Variants in NSMCE1 observed in about 807,000 individuals in gnomAD.
NSMCE1 encodes non-structural maintenance of chromosomes element 1 homolog.
A neutral mutation model predicts 29.6 loss-of-function variants in NSMCE1; 18 were observed. The ratio of observed to expected loss-of-function variants is 0.61; its 90% CI spans 0.42 to 0.90. The LOEUF (loss-of-function observed/expected upper bound fraction) is 0.90. Among genes scored for constraint, NSMCE1 ranks in the 40% least tolerant of loss-of-function variants. NSMCE1 has a pLI of 0.00. For synonymous variants in NSMCE1, 124 were observed against 133.4 expected, an observed-to-expected ratio of 0.93 and a Z score of 0.49; for missense variants, 314 against 343.6, an observed-to-expected ratio of 0.91 and a Z score of 0.68.
intron 2 of NSMCE1, 154 bp downstream of exon 2, chr16:27,257,280 GA>G (rs1555478090): frequency 1.8e-6 from 1 of 551,088 alleles, no homozygotes; most frequent in Non-Finnish European, 3.0e-6. Context: ...AGTGGAAGAT[GA>G]AATTAGAAAG....
chr16:27,250,724 C>T lies in NSMCE1; in HGVS notation c.136+6711G>A, dbSNP rs563122216. ...AGGAGAACTGCTTAAACCCAGGAGG[C>T]GGAGGTTGTAGCGAGCTGAGATGGC... On this transcript the variant is annotated intron_variant, in intron 2 of 7. Transcript: ENST00000361439. Among the ~76,000 whole-genome samples, 8 of 151,378 alleles carry T rather than the reference C, an allele frequency of 5.3e-5. No homozygotes were observed. The East Asian group carries it at 1.6e-3, about 30-fold the overall frequency.
At chr16:27,259,658 G>A (rs1342495997) in intron 1 of NSMCE1, among the ~76,000 whole-genome samples, 1 of 152,144 alleles carries the variant, frequency 6.6e-6, no homozygotes, top group Non-Finnish European at 1.5e-5. Context: ...CCGAGGCTTG[G>A]CAGTGGGGAC....
intron 5 of NSMCE1, among the ~76,000 whole-genome samples, chr16:27,227,494 G>A (rs886666475): frequency 6.6e-6 from 1 of 152,198 alleles, no homozygotes; most frequent in African/African-American, 2.4e-5. Flanking sequence ...GGAGAGCCCG[G>A]AAGCACAAGA....
At chr16:27,245,474 A>G (rs919836338) in intron 2 of NSMCE1, among the ~76,000 whole-genome samples, 2 of 152,226 alleles carry the variant, frequency 1.3e-5, no homozygotes, top group African/African-American at 4.8e-5. Context: ...ATCCTGGCTC[A>G]GCAACTCCAT....
At position 27,264,657 on chromosome 16, in the gene NSMCE1, G is replaced by A. The variant is rs549124879; in HGVS notation, c.-12+4049C>T. On this transcript the variant is annotated intron_variant, in intron 1 of 7. Transcript: ENST00000361439. ...TTCTGAAGGGATAAGGTCATAATAA[G>A]GAAAAATACTGTAAGACTTTTAGGC... 2.0e-5 allele frequency among the ~76,000 whole-genome samples: 3 copies of A among 152,186 alleles called. No individual in the cohort carries two copies. The South Asian group carries it at 6.2e-4, about 32-fold the overall frequency.
At chr16:27,252,650 G>A (rs4267310) in intron 2 of NSMCE1, among the ~76,000 whole-genome samples, 9,538 of 152,246 alleles carry the variant, frequency 0.063, 737 homozygotes, top group African/African-American at 0.19. Context: ...CGGGCGCGGT[G>A]GCTCATGCCT....
At chr16:27,246,901 G>A (rs764310768) in intron 2 of NSMCE1, among the ~76,000 whole-genome samples, 11 of 152,170 alleles carry the variant, frequency 7.2e-5, no homozygotes, top group East Asian at 3.9e-4. Context: ...CATCAACACC[G>A]TAGCCGACCT....
chr16:27,253,467 T>C (rs2084055086), intron 2 of NSMCE1, among the ~76,000 whole-genome samples: 1 of 152,244 alleles, frequency 6.6e-6, no homozygotes, highest in Non-Finnish European at 1.5e-5. Context: ...GAAAGATCAC[T>C]GGCCTTGACT....
intron 1 of NSMCE1, among the ~76,000 whole-genome samples, chr16:27,266,773 A>G (rs1462365105): frequency 1.3e-5 from 2 of 152,190 alleles, no homozygotes; most frequent in Non-Finnish European, 2.9e-5. Context: ...GCATGATTTC[A>G]ATATATTTTC....
chr16:27,255,441 G>A (rs1241584621), intron 2 of NSMCE1, among the ~76,000 whole-genome samples: 5 of 152,158 alleles, frequency 3.3e-5, no homozygotes, highest in African/African-American at 4.8e-5. Flanking sequence ...ACCTACACAC[G>A]AAAAGAATGT....
chr16:27,231,726 A>T (rs1222774316), intron 5 of NSMCE1, among the ~76,000 whole-genome samples: 2 of 152,094 alleles, frequency 1.3e-5, no homozygotes, highest in African/African-American at 4.8e-5. Context: ...AACATTCCCT[A>T]GTGCCAAATA....
chr16:27,253,775 G>C (rs938669593), intron 2 of NSMCE1, among the ~76,000 whole-genome samples: 1 of 152,204 alleles, frequency 6.6e-6, no homozygotes, highest in African/African-American at 2.4e-5. Context: ...TTTGCTGGTT[G>C]AATAAACGTA....
chr16:27,250,238 AGCT>A (rs2084008764), intron 2 of NSMCE1, among the ~76,000 whole-genome samples: 1 of 152,154 alleles, frequency 6.6e-6, no homozygotes, highest in Admixed American at 6.6e-5. Context: ...TTTCTAATCC[AGCT>A]ACCTTTTGTT....
At chr16:27,261,990 C>A (rs1409336114) in intron 1 of NSMCE1, among the ~76,000 whole-genome samples, 1 of 152,208 alleles carries the variant, frequency 6.6e-6, no homozygotes, top group Non-Finnish European at 1.5e-5. Flanking sequence ...TGCCTGTAAT[C>A]CCAGCACTTT....
chr16:27,227,452 C>T (rs746720243), intron 5 of NSMCE1, among the ~76,000 whole-genome samples: 1 of 152,218 alleles, frequency 6.6e-6, no homozygotes, highest in Non-Finnish European at 1.5e-5. Context: ...TGCCAGGGTG[C>T]GGTCCACCCA....
intron 2 of NSMCE1, among the ~76,000 whole-genome samples, chr16:27,245,116 T>C (rs912493118): frequency 6.6e-6 from 1 of 152,218 alleles, no homozygotes; most frequent in African/African-American, 2.4e-5. Context: ...GAGCATGAAG[T>C]GAACGTGTGC....
intron 6 of NSMCE1, 57 bp from the exon 7 acceptor site, chr16:27,225,903 A>G (rs1017055916): frequency 2.3e-5 from 37 of 1,601,096 alleles, no homozygotes; most frequent in Non-Finnish European, 2.9e-5. Flanking sequence ...TGTTCTGCAA[A>G]CCTCCGGGGA....
chr16:27,265,161 C>CTT (rs5816427), intron 1 of NSMCE1, among the ~76,000 whole-genome samples: 2,018 of 82,568 alleles, frequency 0.024, 15 homozygotes, highest in East Asian at 0.042. Flanking sequence ...AATTCTTTTC[C>CTT]TTTTTTTTTT....
chr16:27,231,037 G>A (rs2083757431), intron 5 of NSMCE1, among the ~76,000 whole-genome samples: 1 of 152,250 alleles, frequency 6.6e-6, no homozygotes, highest in South Asian at 2.1e-4. Flanking sequence ...TAGGCATGGT[G>A]CTCTTGGGTG....
Sources: gnomAD v4.1 joint callset for allele counts (sites outside exome capture counted in the v4.1 genomes callset) on GRCh38, gnomAD v4.1.1 for gene constraint, MANE v1.5 for transcripts, NCBI Gene and HGNC (gene_info 2026-07-23, HGNC 2026-07-21) for gene names.